Variants in UBE2W observed in about 807,000 individuals in gnomAD.
UBE2W encodes ubiquitin conjugating enzyme E2 W.
Under a neutral mutation model 27.2 loss-of-function variants are expected in UBE2W, and 18 were observed. The ratio of observed to expected loss-of-function variants is 0.66; its 90% CI spans 0.46 to 0.98. UBE2W has a LOEUF of 0.98. Among genes scored for constraint, UBE2W ranks in the 50% least tolerant of loss-of-function variants. The pLI, the probability that UBE2W is intolerant of heterozygous loss-of-function variation, is 0.00. For missense variants in UBE2W, 90 were observed against 180.2 expected, an observed-to-expected ratio of 0.50 and a Z score of 2.87; for synonymous variants, 53 against 57.2, an observed-to-expected ratio of 0.93 and a Z score of 0.33.
At chr8:73,860,995 G>C (rs538088048) in intron 1 of UBE2W, among the ~76,000 whole-genome samples, 1 of 152,218 alleles carries the variant, frequency 6.6e-6, no homozygotes, top group East Asian at 1.9e-4. Flanking sequence ...GCATGTACCT[G>C]TAGTCCTAGC....
Position 73,787,724 on chromosome 8 carries a change from T to C in UBE2W, c.*6378A>G. On this transcript the variant is annotated 3_prime_UTR_variant, in exon 6 of 6. Coordinates refer to ENST00000602593, the MANE Select transcript of UBE2W (RefSeq NM_018299.6). ...CAGCTTCAAGAGTCACTCATTTAAG[T>C]CATTAGTTGATCTGTTTGTATACTC... 5.1e-6 allele frequency: 5 copies of C among 985,408 alleles called. No homozygotes were observed. Among genetic ancestry groups the C allele is most frequent in the Non-Finnish European group, 3.6e-6 (3 of 829,908 alleles). 61.0% of individuals were successfully genotyped at this position (985,408 alleles called of 1,614,324 possible). A position where few individuals can be genotyped will look rare whatever the true frequency, so the allele number is the denominator to read the frequency against.
intron 5 of UBE2W, among the ~76,000 whole-genome samples, chr8:73,805,179 C>T (rs915041053): frequency 1.3e-5 from 2 of 150,912 alleles, no homozygotes; most frequent in Admixed American, 1.3e-4. Flanking sequence ...TAGTGCTGGG[C>T]GTGGTGGCTC....
intron 1 of UBE2W, among the ~76,000 whole-genome samples, chr8:73,876,219 C>A (rs1359921616): frequency 6.6e-6 from 1 of 151,000 alleles, no homozygotes; most frequent in African/African-American, 2.4e-5. Flanking sequence ...TAGAGGTCCC[C>A]CAAAAGATAA....
intron 5 of UBE2W, among the ~76,000 whole-genome samples, chr8:73,799,545 T>C (rs193094873): frequency 6.6e-6 from 1 of 152,194 alleles, no homozygotes; most frequent in Non-Finnish European, 1.5e-5. Context: ...TTTCATTAAC[T>C]GTGCCTCCAT....
At chr8:73,811,111 T>C (rs1809133051) in intron 3 of UBE2W, among the ~76,000 whole-genome samples, 2 of 152,146 alleles carry the variant, frequency 1.3e-5, no homozygotes, top group Admixed American at 1.3e-4. Context: ...CAAAGGGAAA[T>C]GACTGTTATA....
In UBE2W at chr8:73,871,994, G is replaced by A. The variant is rs139889221; in HGVS notation, c.15+6814C>T. Among the ~76,000 whole-genome samples the A allele has an allele frequency of 6.1e-3, 926 of 152,124 alleles. 9 individuals are homozygous for A. The highest frequency in any genetic ancestry group is 0.02 in the African/African-American group (835 of 41,502). ...TGTAGCCTCGAACTCCCTGAGCTCAGGTGATCCTCCCACCTCAGCCCCCCA... is the reference window on the plus strand; with the variant it reads ...TGTAGCCTCGAACTCCCTGAGCTCAAGTGATCCTCCCACCTCAGCCCCCCA... On this transcript the variant is annotated intron_variant, in intron 1 of 5. Transcript: ENST00000602593.
rs1563645699 is a variant in UBE2W at position 73,878,833 on chromosome 8, T to TC, written c.-12dup. On this transcript the variant is annotated 5_prime_UTR_variant, in exon 1 of 6. Coordinates refer to ENST00000602593, the MANE Select transcript of UBE2W (RefSeq NM_018299.6). ...CTGCATTGACGCCATGATGGAACCA[T>TC]CCCCCCAAGACCGGCGAGGCCAGAG... The TC allele has an allele frequency of 1.7e-5, 27 of 1,548,926 alleles. No homozygotes were observed. The highest frequency in any genetic ancestry group is 7.4e-5 in the East Asian group (3 of 40,674).
chr8:73,792,272 T>C lies in UBE2W; in HGVS notation c.*1830A>G. On this transcript the variant is annotated 3_prime_UTR_variant, in exon 6 of 6. Transcript: ENST00000602593. Reference sequence around the variant, plus strand: ...AGTCAAGATAGAACAAAAACGGTTATAATTTTTTAAAAGTGGTAATTGTTA... The same window carrying C: ...AGTCAAGATAGAACAAAAACGGTTACAATTTTTTAAAAGTGGTAATTGTTA... 3.0e-6 allele frequency: 3 copies of C among 985,708 alleles called. No homozygotes were observed. Among genetic ancestry groups the C allele is most frequent in the Non-Finnish European group, 2.4e-6 (2 of 829,774 alleles). The allele number at this position is 985,708 out of a possible 1,614,324, so 61.1% of individuals were successfully genotyped here.
chr8:73,824,350 T>C (rs1290812860), intron 3 of UBE2W, among the ~76,000 whole-genome samples: 1 of 152,232 alleles, frequency 6.6e-6, no homozygotes, highest in Non-Finnish European at 1.5e-5. Flanking sequence ...TCAGACTTTG[T>C]GCTGATGTTT....
chr8:73,820,769 A>G (rs1809577169), intron 3 of UBE2W, among the ~76,000 whole-genome samples: 1 of 151,488 alleles, frequency 6.6e-6, no homozygotes, highest in Non-Finnish European at 1.5e-5. Context: ...ACAAACAAAC[A>G]AACAAACAAA....
intron 2 of UBE2W, among the ~76,000 whole-genome samples, chr8:73,826,625 A>G (rs1489820961): frequency 6.6e-6 from 1 of 152,238 alleles, no homozygotes; most frequent in Non-Finnish European, 1.5e-5. Context: ...GCTGAGTACC[A>G]TACATGGTAA....
At chr8:73,865,415 C>T (rs1465259506) in intron 1 of UBE2W, among the ~76,000 whole-genome samples, 3 of 152,056 alleles carry the variant, frequency 2.0e-5, no homozygotes, top group African/African-American at 2.4e-5. Flanking sequence ...GAGTTCAAGA[C>T]CAGCCTAGGC....
At position 73,787,484 on chromosome 8, in the gene UBE2W, T is replaced by C. The variant is rs575756527; in HGVS notation, c.*6618A>G. On this transcript the variant is annotated 3_prime_UTR_variant, in exon 6 of 6. Transcript: ENST00000602593. Reference sequence around the variant, plus strand: ...TGGTTCATATATTTATCTAACCATCTACTAACATAGTTGTGTAGGACGGCA... The same window carrying C: ...TGGTTCATATATTTATCTAACCATCCACTAACATAGTTGTGTAGGACGGCA... 13 of 985,338 alleles carry C rather than the reference T, an allele frequency of 1.3e-5. No individual in the cohort carries two copies. Among genetic ancestry groups the C allele is most frequent in the Non-Finnish European group, 1.6e-5 (13 of 829,934 alleles). 61.0% of individuals were successfully genotyped at this position (985,338 alleles called of 1,614,324 possible). A position where few individuals can be genotyped will look rare whatever the true frequency, so the allele number is the denominator to read the frequency against.
chr8:73,792,071 G>A lies in UBE2W; in HGVS notation c.*2031C>T, dbSNP rs2130840164. 1.0e-6 allele frequency: 1 copy of A among 985,224 alleles called. No homozygotes were observed. The highest frequency in any genetic ancestry group is 1.2e-6 in the Non-Finnish European group (1 of 829,788). The allele number at this position is 985,224 out of a possible 1,614,324, so 61.0% of individuals were successfully genotyped here. On this transcript the variant is annotated 3_prime_UTR_variant, in exon 6 of 6. Transcript: ENST00000602593. ...ACAGATTTCTCCCTAACCCCCAGAA[G>A]AAGATCAAGTCAAACAGTAGTGTAG... is the stretch of plus-strand genomic sequence containing the variant.
chr8:73,850,720 G>C (rs1368700976), intron 1 of UBE2W, among the ~76,000 whole-genome samples: 1 of 99,318 alleles, frequency 1.0e-5, no homozygotes, highest in Non-Finnish European at 1.9e-5. Context: ...CAATCAGCAG[G>C]ACATTAAAAA....
chr8:73,822,439 C>T (rs1468041677), intron 3 of UBE2W, among the ~76,000 whole-genome samples: 24 of 151,746 alleles, frequency 1.6e-4, no homozygotes, highest in Admixed American at 1.6e-3. Flanking sequence ...TAGGCAAAAA[C>T]AGGAGGTAAA....
intron 1 of UBE2W, among the ~76,000 whole-genome samples, chr8:73,832,311 C>T (rs1451596453): frequency 6.6e-6 from 1 of 151,782 alleles, no homozygotes; most frequent in Admixed American, 6.6e-5. Context: ...AAAAATAAAA[C>T]AAAAATTAGA....
intron 1 of UBE2W, among the ~76,000 whole-genome samples, chr8:73,873,929 G>T (rs1283029443): frequency 6.6e-6 from 1 of 152,124 alleles, no homozygotes; most frequent in Non-Finnish European, 1.5e-5. Context: ...GACTTTCTAA[G>T]ATCTTAAGAC....
At chr8:73,811,772 G>A (rs1809163123) in intron 3 of UBE2W, among the ~76,000 whole-genome samples, 1 of 152,012 alleles carries the variant, frequency 6.6e-6, no homozygotes, top group Admixed American at 6.6e-5. Context: ...TATCAGTAAG[G>A]AGAAATCTTA....
Sources: gnomAD v4.1 joint callset for allele counts (sites outside exome capture counted in the v4.1 genomes callset) on GRCh38, gnomAD v4.1.1 for gene constraint, MANE v1.5 for transcripts, NCBI Gene and HGNC (gene_info 2026-07-23, HGNC 2026-07-21) for gene names.